Variants in GPC5 observed in about 807,000 individuals in gnomAD.
GPC5 encodes glypican 5.
A neutral mutation model predicts 53.9 loss-of-function variants in GPC5; 47 were observed. The ratio of observed to expected loss-of-function variants is 0.87; its 90% CI spans 0.69 to 1.11. The LOEUF is 1.11. GPC5 is among the 50% of genes most tolerant of loss of function. The pLI is 0.00. For missense variants in GPC5, 748 were observed against 713.1 expected (o/e 1.05, Z -0.56); for synonymous variants, 286 against 263.3 (o/e 1.09, Z -0.84).
Position 92,850,764 on chromosome 13 carries a change from T to A in GPC5, c.1562-15518T>A, listed in dbSNP as rs183523510. Among the ~76,000 whole-genome samples, 253 of 152,302 alleles carry A rather than the reference T, an allele frequency of 1.7e-3. 1 individual carries two copies. Among genetic ancestry groups the A allele is most frequent in the Non-Finnish European group, 2.4e-3 (162 of 68,026 alleles). On this transcript the variant is annotated intron_variant, in intron 7 of 7. Transcript: ENST00000377067. ...GGTGTCTGTCTCTCCCATACATCAG[T>A]ACTATGTAGGAGATATAATTTTGGA...
intron 2 of GPC5, among the ~76,000 whole-genome samples, chr13:91,642,369 G>A (rs140042181): frequency 2.8e-4 from 43 of 152,296 alleles, no homozygotes; most frequent in African/African-American, 9.6e-4. Flanking sequence ...ATAGGCCTGA[G>A]GATGAAAAAC....
chr13:92,654,529 G>C (rs1173890423), intron 7 of GPC5, among the ~76,000 whole-genome samples: 1 of 152,000 alleles, frequency 6.6e-6, no homozygotes, highest in African/African-American at 2.4e-5. Flanking sequence ...AATTACACTT[G>C]ACCATTTCTA....
At chr13:91,758,825 C>T (rs1276626511) in intron 5 of GPC5, among the ~76,000 whole-genome samples, 2 of 152,132 alleles carry the variant, frequency 1.3e-5, no homozygotes, top group African/African-American at 4.8e-5. Context: ...GAACAAGCTT[C>T]ACTGTGTCTT....
rs1429043389 is a variant in GPC5 at position 92,663,881 on chromosome 13, TATATATATATATATATATATATACAC to T, written c.1562-202399_1562-202374del. On this transcript the variant is annotated intron_variant, in intron 7 of 7. Coordinates refer to ENST00000377067, the MANE Select transcript of GPC5 (RefSeq NM_004466.6). Reference sequence around the variant, plus strand: ...CTATATATATATATATATATATATATATATATATATATATATATATATACACACACACACACAAAAATTAGCTCGGC... The same window carrying T: ...CTATATATATATATATATATATATATACACACACACAAAAATTAGCTCGGC... Among the ~76,000 whole-genome samples, 302 of 69,906 alleles carry T rather than the reference TATATATATATATATATATATATACAC, an allele frequency of 4.3e-3. 8 individuals are homozygous for T. The highest frequency in any genetic ancestry group is 0.012 in the African/African-American group (182 of 15,358). 45.9% of individuals were successfully genotyped at this position (69,906 alleles called of 152,430 possible).
intron 4 of GPC5, among the ~76,000 whole-genome samples, chr13:91,755,983 A>G (rs538578017): frequency 4.3e-4 from 66 of 151,804 alleles, no homozygotes; most frequent in African/African-American, 1.6e-3. Flanking sequence ...AGTATATACT[A>G]TTCCCAACTT....
At chr13:92,115,262 A>G (rs1377426830) in intron 6 of GPC5, among the ~76,000 whole-genome samples, 1 of 152,224 alleles carries the variant, frequency 6.6e-6, no homozygotes, top group Non-Finnish European at 1.5e-5. Context: ...TAATCCCAAC[A>G]CTTCGGGAGG....
At chr13:92,267,152 T>G (rs980574634) in intron 7 of GPC5, among the ~76,000 whole-genome samples, 2 of 152,140 alleles carry the variant, frequency 1.3e-5, no homozygotes, top group Non-Finnish European at 2.9e-5. Flanking sequence ...TTGCCTAGCT[T>G]AAAAACAACT....
At chr13:92,468,135 C>G (rs57486480) in intron 7 of GPC5, among the ~76,000 whole-genome samples, 8,036 of 151,862 alleles carry the variant, frequency 0.053, 502 homozygotes, top group East Asian at 0.37. Flanking sequence ...GAAAATAGTA[C>G]AAAACATGGG....
At chr13:91,494,439 C>A (rs1884137072) in intron 2 of GPC5, among the ~76,000 whole-genome samples, 1 of 151,922 alleles carries the variant, frequency 6.6e-6, no homozygotes, top group Non-Finnish European at 1.5e-5. Context: ...ACCAACCAAA[C>A]AACTCTAGAA....
intron 7 of GPC5, among the ~76,000 whole-genome samples, chr13:92,468,194 C>A (rs1340605561): frequency 3.3e-5 from 5 of 152,052 alleles, no homozygotes; most frequent in African/African-American, 1.2e-4. Flanking sequence ...TTTAAGAATT[C>A]ATCAGACAAG....
At chr13:92,143,458 A>G (rs1536367) in intron 6 of GPC5, among the ~76,000 whole-genome samples, 47,209 of 151,970 alleles carry the variant, frequency 0.31, 9,021 homozygotes, top group South Asian at 0.59. Flanking sequence ...AGGGAGTAGT[A>G]TACACATCAG....
At chr13:91,698,886 G>A (rs1372036996) in intron 3 of GPC5, among the ~76,000 whole-genome samples, 1 of 152,062 alleles carries the variant, frequency 6.6e-6, no homozygotes, top group African/African-American at 2.4e-5. Flanking sequence ...ATAATAAGAA[G>A]GCTAATATGC....
intron 7 of GPC5, among the ~76,000 whole-genome samples, chr13:92,418,900 A>T (rs1876436488): frequency 6.6e-6 from 1 of 152,194 alleles, no homozygotes; most frequent in African/African-American, 2.4e-5. Context: ...AAAGTATAAG[A>T]TGATTGCTAG....
intron 5 of GPC5, among the ~76,000 whole-genome samples, chr13:91,773,914 A>G (rs2037667083): frequency 6.6e-6 from 1 of 152,076 alleles, no homozygotes; most frequent in Admixed American, 6.6e-5. Flanking sequence ...AACAAATTTT[A>G]TTATTATTTT....
At chr13:91,623,646 C>T (rs563468620) in intron 2 of GPC5, among the ~76,000 whole-genome samples, 2 of 152,084 alleles carry the variant, frequency 1.3e-5, no homozygotes, top group Non-Finnish European at 2.9e-5. Flanking sequence ...ATATGGGCTG[C>T]ATTTAGTATA....
intron 5 of GPC5, among the ~76,000 whole-genome samples, chr13:91,814,554 T>TTAG (rs2038370288): frequency 1.3e-5 from 2 of 152,094 alleles, no homozygotes; most frequent in Non-Finnish European, 2.9e-5. Context: ...TATTTATTTA[T>TTAG]TTTGAGACAG....
chr13:92,291,391 G>A (rs9516047), intron 7 of GPC5, among the ~76,000 whole-genome samples: 12,994 of 152,212 alleles, frequency 0.085, 612 homozygotes, highest in Middle Eastern at 0.12. Context: ...TCTAGCTCAA[G>A]ATTTGTAAAC....
intron 7 of GPC5, among the ~76,000 whole-genome samples, chr13:92,820,497 C>A (rs1476051725): frequency 3.3e-5 from 5 of 152,112 alleles, no homozygotes; most frequent in Non-Finnish European, 7.3e-5. Context: ...CAGATCTGAT[C>A]ATATCACTCT....
At chr13:91,556,520 G>A (rs2030956545) in intron 2 of GPC5, among the ~76,000 whole-genome samples, 1 of 140,206 alleles carries the variant, frequency 7.1e-6, no homozygotes, top group Admixed American at 7.4e-5. Flanking sequence ...ATTGCAGTAT[G>A]TGTATATATA....
Sources: gnomAD v4.1 joint callset for allele counts (sites outside exome capture counted in the v4.1 genomes callset) on GRCh38, gnomAD v4.1.1 for gene constraint, MANE v1.5 for transcripts, NCBI Gene and HGNC (gene_info 2026-07-23, HGNC 2026-07-21) for gene names.